MYCBPAP: variants seen among roughly 807,000 people sequenced by gnomAD.
MYCBPAP encodes MYCBP associated protein, also known as MYCBP-associated protein.
In MYCBPAP, 60 loss-of-function variants were observed where a neutral mutation model predicts 106.1. The observed-to-expected ratio is 0.57, with a 90% CI of 0.46 to 0.70. The LOEUF (loss-of-function observed/expected upper bound fraction) is 0.70, where lower values mean the gene tolerates loss of function less well. Among genes scored for constraint, MYCBPAP ranks in the 30% least tolerant of loss-of-function variants. The probability of loss-of-function intolerance (pLI) is 0.00; values close to 1 mark genes in which losing one functional copy is unlikely to be tolerated. For synonymous variants in MYCBPAP, 407 were observed against 440.6 expected (o/e 0.92, Z 0.95); for missense variants, 1,064 against 1,169.3 (o/e 0.91, Z 1.31).
chr17:50,510,499 G>GTGTGTGTGTGTATATATATA (rs1418345705), intron 1 of MYCBPAP: 1 of 76,428 alleles, frequency 1.3e-5, no homozygotes, highest in African/African-American at 4.6e-5. Context: ...GTGTGTGTGT[G>GTGTGTGTGTGTATATATATA]TATATATATA....
chr17:50,522,895 C>T, intron 10 of MYCBPAP, 44 bp from the exon 11 acceptor site: 1 of 1,582,582 alleles, frequency 6.3e-7, no homozygotes, highest in Non-Finnish European at 8.6e-7. Flanking sequence ...TCACTCTAGG[C>T]CAGGGTTTGC....
intron 1 of MYCBPAP, chr17:50,509,328 C>A: frequency 1.7e-6 from 1 of 592,918 alleles, no homozygotes. Context: ...TGACACTTAT[C>A]CAGCTCCTTT....
At chr17:50,508,362 C>CCCCCG (rs1034619229), upstream of MYCBPAP, 146 of 519,192 alleles carry the variant, frequency 2.8e-4, 1 homozygote, top group Admixed American at 6.1e-4. Flanking sequence ...TCGCCCGGGT[C>CCCCCG]CCCCGCCCCG....
chr17:50,521,510 C>A, intron 9 of MYCBPAP, 79 bp downstream of exon 9: 1 of 1,121,544 alleles, frequency 8.9e-7, no homozygotes, highest in Non-Finnish European at 1.3e-6. Context: ...GGGCTTCCCT[C>A]CCTGAGATCA....
rs1022000294 is a variant in MYCBPAP at position 50,508,471 on chromosome 17, C to A, written c.-204C>A. 14 of 1,435,080 alleles carry A rather than the reference C, an allele frequency of 9.8e-6. No homozygotes were observed. The highest frequency in any genetic ancestry group is 1.5e-5 in the African/African-American group (1 of 67,882). 88.9% of individuals were successfully genotyped at this position (1,435,080 alleles called of 1,614,324 possible). ...TCTAGGGGTCCGTCGCTCTTGAAGC[C>A]GCCGGCGGCGGGCGCGTGCGCGGCC... On this transcript the variant is annotated 5_prime_UTR_variant, in exon 1 of 19. Coordinates refer to ENST00000323776, the MANE Select transcript of MYCBPAP (RefSeq NM_032133.6).
chr17:50,524,749 A>AGAGAGC (rs1567893149), intron 12 of MYCBPAP, 128 bp from the exon 13 acceptor site: 54 of 792,734 alleles, frequency 6.8e-5, no homozygotes, highest in Admixed American at 1.8e-4. Flanking sequence ...AGAGAGAGAG[A>AGAGAGC]GAGAGAGAGA....
intron 1 of MYCBPAP, among the ~76,000 whole-genome samples, chr17:50,514,339 G>A (rs777198264): frequency 6.6e-6 from 1 of 152,190 alleles, no homozygotes; most frequent in Non-Finnish European, 1.5e-5. Context: ...AAAGATTACG[G>A]TGCTGTAAGA....
chr17:50,507,969 TCA>T (rs2033677266), upstream of MYCBPAP, among the ~76,000 whole-genome samples: 1 of 152,176 alleles, frequency 6.6e-6, no homozygotes, highest in Non-Finnish European at 1.5e-5. Flanking sequence ...ATGCCCCAAG[TCA>T]GGGCAAAAGT....
rs1416838188 is a variant in MYCBPAP, at chr17:50,508,541, G to T, written c.-134G>T. On this transcript the variant is annotated 5_prime_UTR_variant, in exon 1 of 19. Transcript: ENST00000323776. ...CAAGCCGTCTCCGCCCAAGTTGATC[G>T]GTGGATGCGCGCCCCCGCGCGGGGC... 1.3e-6 allele frequency: 2 copies of T among 1,539,086 alleles called. No individual in the cohort carries two copies. Among genetic ancestry groups the T allele is most frequent in the African/African-American group, 2.8e-5 (2 of 72,050 alleles).
intron 1 of MYCBPAP, among the ~76,000 whole-genome samples, chr17:50,511,839 G>A (rs2033860416): frequency 1.3e-5 from 2 of 152,150 alleles, no homozygotes; most frequent in South Asian, 4.2e-4. Context: ...AATGATCCCT[G>A]GGGCTCTTCC....
chr17:50,526,365 AC>A, intron 14 of MYCBPAP, 98 bp downstream of exon 14: 1 of 1,232,244 alleles, frequency 8.1e-7, no homozygotes, highest in Non-Finnish European at 1.1e-6. Flanking sequence ...GGGCAAAGAA[AC>A]AAAACCTGAG....
At chr17:50,521,543 G>C in intron 9 of MYCBPAP, 112 bp downstream of exon 9, 1 of 801,812 alleles carries the variant, frequency 1.2e-6, no homozygotes, top group Non-Finnish European at 2.0e-6. Context: ...CCTAGCTTCT[G>C]TCCAGTGGTT....
downstream of MYCBPAP, chr17:50,531,501 ACTT>A (rs901411564): frequency 3.5e-6 from 4 of 1,146,696 alleles, no homozygotes; most frequent in Non-Finnish European, 5.0e-6. Flanking sequence ...AGTTTCTACT[ACTT>A]CCGTGTGCCT....
chr17:50,512,854 A>T (rs2033902549), intron 1 of MYCBPAP, among the ~76,000 whole-genome samples: 1 of 151,880 alleles, frequency 6.6e-6, no homozygotes. Flanking sequence ...TGGGCAGATC[A>T]CCTGAGGTCA....
Position 50,521,190 on chromosome 17 carries a change from CAGAG to C in MYCBPAP, c.999_1002del (p.Arg334SerfsTer49). On this transcript the variant is annotated frameshift_variant, in exon 8 of 19. Coordinates refer to ENST00000323776, the MANE Select transcript of MYCBPAP (RefSeq NM_032133.6). LOFTEE classifies it high-confidence loss of function. The stretch of plus-strand genomic sequence containing the variant: ...TCTGATCTACCGACGCAAGGAGCTG[CAGAG>C]AATCATGGAAGAGCTGGATTTCAGC... The C allele has an allele frequency of 1.2e-6, 2 of 1,613,568 alleles. No homozygotes were observed. The highest frequency in any genetic ancestry group is 1.7e-6 in the Non-Finnish European group (2 of 1,179,844).
At chr17:50,520,962 A>G in intron 7 of MYCBPAP, 148 bp from the exon 8 acceptor site, 1 of 641,820 alleles carries the variant, frequency 1.6e-6, no homozygotes, top group East Asian at 2.8e-5. Flanking sequence ...AGGACAGGAG[A>G]ACGGGAGTCT....
intron 2 of MYCBPAP, 79 bp from the exon 3 acceptor site, chr17:50,517,214 A>C: frequency 2.9e-6 from 4 of 1,374,030 alleles, no homozygotes; most frequent in Non-Finnish European, 4.1e-6. Flanking sequence ...CTCCACCCAG[A>C]ACTAGAACAG....
chr17:50,524,957 G>A lies in MYCBPAP; in HGVS notation c.1716G>A (p.Glu572=). The A allele has an allele frequency of 6.2e-7, 1 of 1,614,040 alleles. No homozygotes were observed. The highest frequency in any genetic ancestry group is 1.3e-5 in the African/African-American group (1 of 75,052). ...QELLMGVLTP[E]RTPSPVDAYL... Reference sequence around the variant, plus strand: ...TGCTGATGGGGGTCTTGACCCCGGAGCGCACACCATCACCTGTGGATGCCT... The same window carrying A: ...TGCTGATGGGGGTCTTGACCCCGGAACGCACACCATCACCTGTGGATGCCT... Residue 572 remains glutamate (E), a synonymous_variant, in exon 13 of 19, where the codon GAG becomes GAA. Coordinates refer to ENST00000323776, the MANE Select transcript of MYCBPAP (RefSeq NM_032133.6).
intron 18 of MYCBPAP, among the ~76,000 whole-genome samples, chr17:50,530,551 G>A (rs752254200): frequency 4.7e-5 from 7 of 147,942 alleles, no homozygotes; most frequent in African/African-American, 7.5e-5. Flanking sequence ...ATCCTAGCAC[G>A]TTGGAAGGCT....
Sources: allele counts gnomAD v4.1 joint callset (sites outside exome capture counted in the v4.1 genomes callset), GRCh38; gene constraint gnomAD v4.1.1; transcripts MANE v1.5; gene names NCBI Gene and HGNC (gene_info 2026-07-23, HGNC 2026-07-21).